Variants in PLCG1 observed in about 807,000 individuals in gnomAD.
PLCG1 encodes the protein 1-phosphatidylinositol 4,5-bisphosphate phosphodiesterase gamma-1.
A neutral mutation model predicts 177.8 loss-of-function variants in PLCG1; 71 were observed. That is an observed-to-expected ratio of 0.40 (90% CI 0.33 to 0.49). PLCG1 has a LOEUF of 0.49. PLCG1 is among the 20% of genes least tolerant of loss of function. The pLI is 0.72. For missense variants in PLCG1, 1,281 were observed against 1,709.0 expected, an observed-to-expected ratio of 0.75 and a Z score of 4.42; for synonymous variants, 658 against 647.9, an observed-to-expected ratio of 1.02 and a Z score of -0.24.
At chr20:41,162,399 C>A in intron 4 of PLCG1, 53 bp from the exon 5 acceptor site, 1 of 1,428,936 alleles carries the variant, frequency 7.0e-7, no homozygotes, top group South Asian at 1.1e-5. Context: ...ACCCACAGGT[C>A]AGAGGTCATG....
chr20:41,172,528 C>A lies in PLCG1; in HGVS notation c.3013C>A (p.Arg1005=). ...AKGKKFLQYN[R]LQLSRIYPKG... ...AGGCAAGAAGTTCCTTCAGTACAAT[C>A]GACTGCAGCTCTCCCGCATCTACCC... Residue 1005 remains arginine (R), a synonymous_variant, in exon 26 of 32, where the codon CGA becomes AGA. Transcript: ENST00000685551. The surrounding 1 kb of genome is among the most constrained non-coding windows in gnomAD (Gnocchi z 7.0). 2.5e-6 allele frequency: 4 copies of A among 1,614,106 alleles called. No individual in the cohort carries two copies. The highest frequency in any genetic ancestry group is 3.4e-6 in the Non-Finnish European group (4 of 1,179,950).
At chr20:41,171,586 C>CAAAA (rs71844995) in intron 24 of PLCG1, among the ~76,000 whole-genome samples, 97 of 64,030 alleles carry the variant, frequency 1.5e-3, no homozygotes, top group African/African-American at 1.8e-3. Flanking sequence ...GACTCTGTCT[C>CAAAA]AAAAAAAAAA....
rs1457311746 is a variant in PLCG1, at chr20:41,174,564, G to A, written c.*55G>A. Reference sequence around the variant, plus strand: ...GGTGCTGTGCGCCTTGTAGAATGCCGCGAACTGGGTTCTTTGGAAGCAGCC... The same window carrying A: ...GGTGCTGTGCGCCTTGTAGAATGCCACGAACTGGGTTCTTTGGAAGCAGCC... On this transcript the variant is annotated 3_prime_UTR_variant, in exon 32 of 32. Coordinates refer to ENST00000685551, the MANE Select transcript of PLCG1 (RefSeq NM_002660.3). The surrounding 1 kb of genome is among the most constrained non-coding windows in gnomAD (Gnocchi z 5.8). 5.0e-5 allele frequency: 75 copies of A among 1,493,776 alleles called. No individual in the cohort carries two copies. Among genetic ancestry groups the A allele is most frequent in the South Asian group, 7.2e-5 (6 of 83,114 alleles). The allele number at this position is 1,493,776 out of a possible 1,614,324, so 92.5% of individuals were successfully genotyped here.
At position 41,173,734 on chromosome 20, in the gene PLCG1, C is replaced by T. The variant is rs150104210; in HGVS notation, c.3477C>T (p.Phe1159=). 693 of 1,614,014 alleles carry T rather than the reference C, an allele frequency of 4.3e-4. No individual in the cohort carries two copies. The highest frequency in any genetic ancestry group is 5.6e-4 in the Non-Finnish European group (664 of 1,180,004). Residue 1159 remains phenylalanine (F), a synonymous_variant, in exon 29 of 32, where the codon TTC becomes TTT. Transcript: ENST00000685551. The surrounding 1 kb of genome is among the most constrained non-coding windows in gnomAD (Gnocchi z 6.2). ...ACCCTGAATTTGCCTTTCTGCGCTT[C>T]GTGGTGTATGAGGAAGACATGTTTA... ...ISNPEFAFLR[F]VVYEEDMFSD...
In PLCG1 at chr20:41,164,061, A is replaced by C. The variant is rs1238807349; in HGVS notation, c.1097-20A>C. The C allele has an allele frequency of 6.2e-7, 1 of 1,614,020 alleles. No individual in the cohort carries two copies. Among genetic ancestry groups the C allele is most frequent in the Non-Finnish European group, 8.5e-7 (1 of 1,180,034 alleles). ...AGATGGGAGGCCTGCCCGCTTGACCATGGTGATGTTGCTCCCCAGTGGACT... is the reference window on the plus strand; with the variant it reads ...AGATGGGAGGCCTGCCCGCTTGACCCTGGTGATGTTGCTCCCCAGTGGACT... On this transcript the variant is annotated intron_variant, in intron 11 of 31. Transcript: ENST00000685551. This position sits in a 1 kb window ranked among gnomAD's most constrained non-coding sequence, Gnocchi z 6.4.
At chr20:41,145,675 C>A (rs2034974692) in intron 1 of PLCG1, among the ~76,000 whole-genome samples, 1 of 152,090 alleles carries the variant, frequency 6.6e-6, no homozygotes, top group African/African-American at 2.4e-5. Context: ...TGCCTAGAGA[C>A]TTCTAGGGGG....
rs139798242 is a variant in PLCG1, at chr20:41,166,290, C to T, written c.1896C>T (p.Leu632=). 4.9e-5 allele frequency: 79 copies of T among 1,614,222 alleles called. No homozygotes were observed. In the African/African-American group the frequency reaches 1.0e-3, roughly 20 times the overall value. ...CAGACAACCTCGTCTTTGACTCCCT[C>T]TATGACCTCATCACGCACTACCAGC... ...FLTDNLVFDS[L]YDLITHYQQV... The change falls in exon 17 of 32, where the codon CTC becomes CTT. Residue 632 remains leucine, a synonymous_variant. Coordinates refer to ENST00000685551, the MANE Select transcript of PLCG1 (RefSeq NM_002660.3). This position sits in a 1 kb window ranked among gnomAD's most constrained non-coding sequence, Gnocchi z 8.6.
At position 41,167,760 on chromosome 20, in the gene PLCG1, T is replaced by G. The variant is rs2035751570; in HGVS notation, c.2302-92T>G. Reference sequence around the variant, plus strand: ...TGGATCAGGTGCAAGTTTGCTGCACTGGGGGAAAGGGAAGCTGCTCCAGAA... The same window carrying G: ...TGGATCAGGTGCAAGTTTGCTGCACGGGGGGAAAGGGAAGCTGCTCCAGAA... On this transcript the variant is annotated intron_variant, in intron 19 of 31. Coordinates refer to ENST00000685551, the MANE Select transcript of PLCG1 (RefSeq NM_002660.3). This position sits in a 1 kb window ranked among gnomAD's most constrained non-coding sequence, Gnocchi z 4.4. 16 of 902,338 alleles carry G rather than the reference T, an allele frequency of 1.8e-5. No individual in the cohort carries two copies. In the South Asian group the frequency reaches 2.2e-4, roughly 12 times the overall value. 55.9% of individuals were successfully genotyped at this position (902,338 alleles called of 1,614,324 possible).
At position 41,164,846 on chromosome 20, in the gene PLCG1, T is replaced by G; in HGVS notation, c.1218-87T>G. On this transcript the variant is annotated intron_variant, in intron 12 of 31. Coordinates refer to ENST00000685551, the MANE Select transcript of PLCG1 (RefSeq NM_002660.3). This position sits in a 1 kb window ranked among gnomAD's most constrained non-coding sequence, Gnocchi z 6.4. ...TTACAGACAAGAAGCCCCCAGGCCC[T>G]TGGCTTCCAACAGCTCACTGTGAGG... 7.4e-7 allele frequency: 1 copy of G among 1,360,510 alleles called. No individual in the cohort carries two copies. The allele number at this position is 1,360,510 out of a possible 1,614,324, so 84.3% of individuals were successfully genotyped here.
Position 41,167,803 on chromosome 20 carries a change from A to G in PLCG1, c.2302-49A>G. On this transcript the variant is annotated intron_variant, in intron 19 of 31. Coordinates refer to ENST00000685551, the MANE Select transcript of PLCG1 (RefSeq NM_002660.3). This position sits in a 1 kb window ranked among gnomAD's most constrained non-coding sequence, Gnocchi z 4.4. ...CTCCAGAAACCAGTAGCTGCTTTCT[A>G]CCTCTGGGCTCTGGGGCATTAACAT... 3 of 1,348,348 alleles carry G rather than the reference A, an allele frequency of 2.2e-6. No individual in the cohort carries two copies. Among genetic ancestry groups the G allele is most frequent in the Non-Finnish European group, 3.2e-6 (3 of 939,294 alleles). The allele number at this position is 1,348,348 out of a possible 1,614,324, so 83.5% of individuals were successfully genotyped here.
chr20:41,138,669 T>A (rs1264569081), intron 1 of PLCG1, among the ~76,000 whole-genome samples: 1 of 152,012 alleles, frequency 6.6e-6, no homozygotes, highest in Non-Finnish European at 1.5e-5. Flanking sequence ...GCAGCTAGTT[T>A]GTGAGTCTAG....
chr20:41,154,836 G>A (rs926586719), intron 1 of PLCG1, among the ~76,000 whole-genome samples: 3 of 152,238 alleles, frequency 2.0e-5, no homozygotes, highest in African/African-American at 7.2e-5. Context: ...TGCAGAGGCA[G>A]GTTCTCAGCT....
chr20:41,160,136 T>G lies in PLCG1; in HGVS notation c.495T>G (p.Asp165Glu). 6.2e-7 allele frequency: 1 copy of G among 1,614,034 alleles called. No homozygotes were observed. Residue 165 changes from aspartate (D) to glutamate (E), a missense_variant, in exon 4 of 32, where the codon GAT becomes GAG. By Grantham distance (45) the Asp-to-Glu change is conservative. Around this residue, in one of 4 missense-constraint regions of PLCG1, gnomAD observed 374 missense variants for 443.8 expected, o/e 0.84. Transcript: ENST00000685551. The surrounding 1 kb of genome is among the most constrained non-coding windows in gnomAD (Gnocchi z 5.5). ...RWLRKQFYSV[D>E]RNREDRISAK... ...TCCGGAAGCAGTTTTACTCAGTGGA[T>G]CGGAATCGTGAGGATCGGTAAGTAC...
rs1159622190 is a variant in PLCG1, at chr20:41,151,153, G to A, written c.218-8453G>A. Among the ~76,000 whole-genome samples, 2 of 152,132 alleles carry A rather than the reference G, an allele frequency of 1.3e-5. No homozygotes were observed. Among genetic ancestry groups the A allele is most frequent in the Non-Finnish European group, 2.9e-5 (2 of 68,024 alleles). ...CTGTTCTTACCTCTGAAATAGGTGA[G>A]ATTAATTTAGAGTCCTAGGGAAGAG... On this transcript the variant is annotated intron_variant, in intron 1 of 31. Coordinates refer to ENST00000685551, the MANE Select transcript of PLCG1 (RefSeq NM_002660.3). The surrounding 1 kb of genome is among the most constrained non-coding windows in gnomAD (Gnocchi z 5.5).
chr20:41,142,345 GC>G (rs1706200195), intron 1 of PLCG1, among the ~76,000 whole-genome samples: 1 of 152,360 alleles, frequency 6.6e-6, no homozygotes, highest in African/African-American at 2.4e-5. Flanking sequence ...GCCCTAGTGT[GC>G]CATGTCCAGC....
At chr20:41,161,584 A>C (rs2035497955) in intron 4 of PLCG1, among the ~76,000 whole-genome samples, 1 of 152,178 alleles carries the variant, frequency 6.6e-6, no homozygotes, top group Admixed American at 6.5e-5. Context: ...TGAGGATCAG[A>C]GGAGGGGGCG....
intron 22 of PLCG1, 120 bp downstream of exon 22, chr20:41,169,295 C>T (rs1329298529): frequency 1.2e-5 from 11 of 952,104 alleles, no homozygotes; most frequent in East Asian, 2.4e-5. Flanking sequence ...ATGGGCTGGT[C>T]GCACAGCCCA....
chr20:41,166,570 C>T lies in PLCG1; in HGVS notation c.2095C>T (p.Pro699Ser), dbSNP rs779018747. 17 of 1,614,208 alleles carry T rather than the reference C, an allele frequency of 1.1e-5. No homozygotes were observed. In the South Asian group the frequency reaches 1.6e-4, roughly 16 times the overall value. Residue 699 changes from proline to serine, a missense_variant, in exon 18 of 32, where the codon CCC (proline) becomes TCC (serine). Pro to Ser is a moderately conservative substitution (Grantham distance 74). Coordinates refer to ENST00000685551, the MANE Select transcript of PLCG1 (RefSeq NM_002660.3). The surrounding 1 kb of genome is among the most constrained non-coding windows in gnomAD (Gnocchi z 8.6). ...CTTCCTGGTGCGGAAGCGGAATGAACCCAACTCATATGCCATCTCTTTCCG... is the reference window on the plus strand; with the variant it reads ...CTTCCTGGTGCGGAAGCGGAATGAATCCAACTCATATGCCATCTCTTTCCG... ...GAFLVRKRNE[P>S]NSYAISFRAE...
At position 41,156,151 on chromosome 20, in the gene PLCG1, C is replaced by T. The variant is rs1394154850; in HGVS notation, c.218-3455C>T. On this transcript the variant is annotated intron_variant, in intron 1 of 31. Coordinates refer to ENST00000685551, the MANE Select transcript of PLCG1 (RefSeq NM_002660.3). This position sits in a 1 kb window ranked among gnomAD's most constrained non-coding sequence, Gnocchi z 5.0. ...GTGGTCCCTCATTACTTCAGAGCCC[C>T]TTAAGAAAGACTGAATCTATTTCTT... 6.6e-6 allele frequency among the ~76,000 whole-genome samples: 1 copy of T among 152,196 alleles called. No homozygotes were observed. The highest frequency in any genetic ancestry group is 1.9e-4 in the East Asian group (1 of 5,192).
Sources: gnomAD v4.1 joint callset for allele counts (sites outside exome capture counted in the v4.1 genomes callset) on GRCh38, gnomAD v4.1.1 for gene constraint, gnomAD v4.1.1 regional missense constraint, Gnocchi (gnomAD v3.1) non-coding constraint, MANE v1.5 for transcripts, NCBI Gene and HGNC (gene_info 2026-07-23, HGNC 2026-07-21) for gene names.